Variants in CDR2 observed in about 807,000 individuals in gnomAD.
The protein encoded by CDR2 is cerebellar degeneration-related protein 2.
Under a neutral mutation model 48.4 loss-of-function variants are expected in CDR2, and 34 were observed. The ratio of observed to expected loss-of-function variants is 0.70; its 90% CI spans 0.53 to 0.94. CDR2 has a LOEUF of 0.94. CDR2 is among the 40% of genes least tolerant of loss of function. The pLI, the probability that CDR2 is intolerant of heterozygous loss-of-function variation, is 0.00. For missense variants in CDR2, 498 were observed against 549.5 expected, an observed-to-expected ratio of 0.91 and a Z score of 0.94; for synonymous variants, 240 against 219.7, an observed-to-expected ratio of 1.09 and a Z score of -0.82.
intron 1 of CDR2, among the ~76,000 whole-genome samples, chr16:22,368,585 C>A (rs1351649956): frequency 1.3e-5 from 2 of 152,158 alleles, no homozygotes; most frequent in African/African-American, 4.8e-5. Context: ...ATGAGACAGC[C>A]TGAAGCACAA....
intron 1 of CDR2, among the ~76,000 whole-genome samples, chr16:22,366,398 AAG>A (rs2049044828): frequency 6.6e-6 from 1 of 152,234 alleles, no homozygotes; most frequent in Admixed American, 6.5e-5. Context: ...ATAAATGCTA[AAG>A]AGAAAAAAAT....
chr16:22,373,201 T>C (rs983239465), intron 1 of CDR2, among the ~76,000 whole-genome samples: 19 of 152,198 alleles, frequency 1.2e-4, no homozygotes, highest in Non-Finnish European at 4.4e-5. Flanking sequence ...CTCCTGCTAT[T>C]AGTATAAGAA....
intron 4 of CDR2, 114 bp from the exon 5 acceptor site, chr16:22,347,937 ATTTT>A (rs1287577230): frequency 2.0e-6 from 2 of 1,025,436 alleles, no homozygotes; most frequent in Non-Finnish European, 2.8e-6. Flanking sequence ...ACAGTGACTA[ATTTT>A]TTTTTCTTTT....
rs1198371500 is a variant in CDR2, at chr16:22,371,189, G to A, written c.79+3042C>T. On this transcript the variant is annotated intron_variant, in intron 1 of 4. Transcript: ENST00000268383. ...GCGTGCCACTGCACTCCAGCCTGGGGACAGAGCGAGACTCCACCTCAAAAA... is the reference window on the plus strand; with the variant it reads ...GCGTGCCACTGCACTCCAGCCTGGGAACAGAGCGAGACTCCACCTCAAAAA... 4.0e-5 allele frequency among the ~76,000 whole-genome samples: 6 copies of A among 150,560 alleles called. No homozygotes were observed. In the East Asian group the frequency reaches 1.2e-3, roughly 29 times the overall value.
intron 3 of CDR2, 74 bp from the exon 4 acceptor site, chr16:22,349,517 G>A: frequency 1.3e-6 from 2 of 1,535,042 alleles, no homozygotes; most frequent in South Asian, 1.2e-5. Flanking sequence ...GAGAGATTAG[G>A]TGCAAACCAC....
intron 2 of CDR2, among the ~76,000 whole-genome samples, chr16:22,358,936 A>T (rs2048993898): frequency 1.3e-5 from 2 of 152,168 alleles, no homozygotes; most frequent in African/African-American, 4.8e-5. Flanking sequence ...CTTATTGTAT[A>T]CTTCAAAATA....
intron 2 of CDR2, among the ~76,000 whole-genome samples, chr16:22,352,814 C>T (rs766871426): frequency 2.6e-5 from 4 of 152,170 alleles, no homozygotes; most frequent in Non-Finnish European, 4.4e-5. Context: ...CTATAAAAGC[C>T]TGTGTGTAGT....
rs1011469962 is a variant in CDR2 at position 22,364,842 on chromosome 16, T to C, written c.192+60A>G. On this transcript the variant is annotated intron_variant, in intron 2 of 4. Coordinates refer to ENST00000268383, the MANE Select transcript of CDR2 (RefSeq NM_001802.2). ...CAAGTGCTTTTTTACCAGTATGTGATTGGCATAACAGCAACACATCGAAGT... is the reference window on the plus strand; with the variant it reads ...CAAGTGCTTTTTTACCAGTATGTGACTGGCATAACAGCAACACATCGAAGT... 2.0e-5 allele frequency: 19 copies of C among 946,688 alleles called. No homozygotes were observed. The Admixed American group carries it at 3.1e-4, about 15-fold the overall frequency. The allele number at this position is 946,688 out of a possible 1,614,324, so 58.6% of individuals were successfully genotyped here.
chr16:22,349,652 C>A, intron 3 of CDR2, 49 bp downstream of exon 3: 2 of 1,594,016 alleles, frequency 1.3e-6, no homozygotes, highest in Non-Finnish European at 1.7e-6. Flanking sequence ...CTAGTTTATA[C>A]TAAAGAACTT....
At position 22,347,301 on chromosome 16, in the gene CDR2, G is replaced by C; in HGVS notation, c.1029C>G (p.Ile343Met). The C allele has an allele frequency of 1.2e-6, 2 of 1,614,226 alleles. No individual in the cohort carries two copies. Among genetic ancestry groups the C allele is most frequent in the Non-Finnish European group, 1.7e-6 (2 of 1,180,044 alleles). Reference sequence around the variant, plus strand: ...GCGTGTCCACTTCGTGCAGAAGGGAGATGCCCCTCTGTTTCACAGCCTTGG... The same window carrying C: ...GCGTGTCCACTTCGTGCAGAAGGGACATGCCCCTCTGTTTCACAGCCTTGG... ...RRAKAVKQRGISLLHEVDTQY... is the reference protein window; with the variant it reads ...RRAKAVKQRGMSLLHEVDTQY... Residue 343 changes from isoleucine to methionine, a missense_variant, in exon 5 of 5, where the codon ATC (isoleucine) becomes ATG (methionine). By Grantham distance (10) the Ile-to-Met change is conservative (BLOSUM62 1). Coordinates refer to ENST00000268383, the MANE Select transcript of CDR2 (RefSeq NM_001802.2).
chr16:22,364,790 T>TA, intron 2 of CDR2, 112 bp downstream of exon 2: 1 of 622,678 alleles, frequency 1.6e-6, no homozygotes. Flanking sequence ...AAGTTTGTGT[T>TA]AAAAAATAAA....
At chr16:22,361,791 C>A (rs527661078) in intron 2 of CDR2, among the ~76,000 whole-genome samples, 2 of 151,988 alleles carry the variant, frequency 1.3e-5, no homozygotes, top group Non-Finnish European at 2.9e-5. Flanking sequence ...ATGCTCAGAT[C>A]TAGGAACCAG....
intron 3 of CDR2, 90 bp downstream of exon 3, chr16:22,349,611 T>C (rs2048928800): frequency 6.9e-6 from 10 of 1,453,782 alleles, no homozygotes; most frequent in Non-Finnish European, 9.4e-7. Context: ...TATCCCATAT[T>C]GACCCAAACC....
At position 22,346,814 on chromosome 16, in the gene CDR2, C is replaced by T. The variant is rs2048907911; in HGVS notation, c.*151G>A. Reference sequence around the variant, plus strand: ...AGAGAACTGATACCACTAGCCACCTCCTTTCCTCGTTGTATGCATTTGCTA... The same window carrying T: ...AGAGAACTGATACCACTAGCCACCTTCTTTCCTCGTTGTATGCATTTGCTA... On this transcript the variant is annotated 3_prime_UTR_variant, in exon 5 of 5. Coordinates refer to ENST00000268383, the MANE Select transcript of CDR2 (RefSeq NM_001802.2). The T allele has an allele frequency of 1.2e-6, 1 of 833,972 alleles. No individual in the cohort carries two copies. The highest frequency in any genetic ancestry group is 1.9e-6 in the Non-Finnish European group (1 of 519,042). 51.7% of individuals were successfully genotyped at this position (833,972 alleles called of 1,614,324 possible).
At position 22,359,190 on chromosome 16, in the gene CDR2, C is replaced by T. The variant is rs200484157; in HGVS notation, c.192+5712G>A. Among the ~76,000 whole-genome samples the T allele has an allele frequency of 5.9e-5, 9 of 152,144 alleles. No homozygotes were observed. In the East Asian group the frequency reaches 1.7e-3, roughly 29 times the overall value. ...TTGCTCAGGCTGGACTGCAGTGGCG[C>T]AATCTTGGCTCACTGCAACCTCCAC... On this transcript the variant is annotated intron_variant, in intron 2 of 4. Coordinates refer to ENST00000268383, the MANE Select transcript of CDR2 (RefSeq NM_001802.2).
chr16:22,347,932 G>T, intron 4 of CDR2, 109 bp from the exon 5 acceptor site: 1 of 1,084,776 alleles, frequency 9.2e-7, no homozygotes, highest in Non-Finnish European at 1.3e-6. Flanking sequence ...CTGTGACAGT[G>T]ACTAATTTTT....
At chr16:22,371,848 ATGTGTGTGTGTGTGTGTGTGTGTGTG>A (rs56274013) in intron 1 of CDR2, among the ~76,000 whole-genome samples, 1 of 148,446 alleles carries the variant, frequency 6.7e-6, no homozygotes, top group Non-Finnish European at 1.5e-5. Flanking sequence ...AGGTTCAGAT[ATGTGTGTGTGTGTGTGTGTGTGTGTG>A]TGTGTGTGTG....
intron 2 of CDR2, among the ~76,000 whole-genome samples, chr16:22,357,370 T>C (rs2048981963): frequency 6.6e-6 from 1 of 152,154 alleles, no homozygotes; most frequent in African/African-American, 2.4e-5. Flanking sequence ...CTTCTAAGAA[T>C]GGAAGGCTCT....
chr16:22,348,873 C>G (rs2141842428), intron 4 of CDR2, among the ~76,000 whole-genome samples: 1 of 152,256 alleles, frequency 6.6e-6, no homozygotes, highest in South Asian at 2.1e-4. Context: ...CACAAGTGTT[C>G]CATAAATACT....
Sources: allele counts gnomAD v4.1 joint callset (sites outside exome capture counted in the v4.1 genomes callset), GRCh38; gene constraint gnomAD v4.1.1; transcripts MANE v1.5; gene names NCBI Gene and HGNC (gene_info 2026-07-23, HGNC 2026-07-21).